HNRNPL: variants seen among roughly 807,000 people sequenced by gnomAD.
HNRNPL encodes heterogeneous nuclear ribonucleoprotein L.
HNRNPL carries 12 observed loss-of-function variants against 64.0 expected under a neutral mutation model. That is an observed-to-expected ratio of 0.19 (90% CI 0.12 to 0.30). The LOEUF is 0.30. Ranked by LOEUF, HNRNPL falls within the 10% of genes least tolerant of loss-of-function variation. The pLI is 1.00. For synonymous variants in HNRNPL, 385 were observed against 313.0 expected (o/e 1.23, Z -2.43); for missense variants, 484 against 797.4 (o/e 0.61, Z 4.73).
rs1972275709 is a variant in HNRNPL at position 38,845,842 on chromosome 19, C to A, written c.624+11G>T. ...AGGGAGACCTCACAAGAAATGCCTG[C>A]TGGCACGTACCGTGGTGATCGAATA... On this transcript the variant is annotated intron_variant, in intron 3 of 12. Coordinates refer to ENST00000221419, the MANE Select transcript of HNRNPL (RefSeq NM_001533.3). 6.2e-7 allele frequency: 1 copy of A among 1,609,822 alleles called. No homozygotes were observed. Among genetic ancestry groups the A allele is most frequent in the Non-Finnish European group, 8.5e-7 (1 of 1,176,188 alleles).
At chr19:38,843,702 C>T (rs2145423418) in intron 6 of HNRNPL, 140 bp downstream of exon 6, 1 of 683,142 alleles carries the variant, frequency 1.5e-6, no homozygotes, top group East Asian at 2.6e-5. Context: ...ACTAGGGTGT[C>T]CAAGTGCTGA....
chr19:38,844,222 G>A (rs564952220), intron 4 of HNRNPL, 118 bp from the exon 5 acceptor site: 2 of 686,510 alleles, frequency 2.9e-6, no homozygotes, highest in African/African-American at 3.6e-5. Context: ...CGGAAGCTTT[G>A]GGATTAGCTC....
Position 38,838,438 on chromosome 19 carries a change from A to G in HNRNPL, c.1516T>C (p.Phe506Leu). Residue 506 changes from phenylalanine to leucine, a missense_variant, in exon 10 of 13, where the codon TTC (phenylalanine) becomes CTC (leucine). Around this residue, in one of 9 missense-constraint regions of HNRNPL, gnomAD observed 53 missense variants for 131.3 expected, o/e 0.40. Coordinates refer to ENST00000221419, the MANE Select transcript of HNRNPL (RefSeq NM_001533.3). ...IQHPSNVLHFFNAPLEVTEEN... is the reference protein window; with the variant it reads ...IQHPSNVLHFLNAPLEVTEEN... ...TCGGTCACCTCCAGCGGGGCGTTGA[A>G]GAAGTGCAGCACGTTGCTGGGGTGC... 1 of 1,613,422 alleles carries G rather than the reference A, an allele frequency of 6.2e-7. No individual in the cohort carries two copies. Among genetic ancestry groups the G allele is most frequent in the Non-Finnish European group, 8.5e-7 (1 of 1,179,358 alleles).
At chr19:38,839,139 C>T in intron 8 of HNRNPL, 124 bp from the exon 9 acceptor site, 1 of 1,259,166 alleles carries the variant, frequency 7.9e-7, no homozygotes, top group Non-Finnish European at 1.1e-6. Context: ...TAATCGGGAC[C>T]ACTAGAAAAA....
intron 10 of HNRNPL, 98 bp downstream of exon 10, chr19:38,838,299 G>C (rs2145407580): frequency 2.1e-6 from 2 of 968,682 alleles, no homozygotes; most frequent in African/African-American, 1.6e-5. Context: ...AGGCAGGACA[G>C]GAGTTCAACA....
intron 6 of HNRNPL, 192 bp from the exon 7 acceptor site, chr19:38,840,751 A>T (rs1600054362): frequency 3.3e-6 from 2 of 601,410 alleles, no homozygotes; most frequent in South Asian, 2.1e-5. Flanking sequence ...GCTGGTGCCC[A>T]CTCTCCTTCC....
At chr19:38,850,190 T>A, upstream of HNRNPL, 1 of 404,618 alleles carries the variant, frequency 2.5e-6, no homozygotes. Flanking sequence ...TGCCAGTCTT[T>A]CCGTCGACCC....
chr19:38,843,760 C>A, intron 6 of HNRNPL, 82 bp downstream of exon 6: 1 of 1,192,998 alleles, frequency 8.4e-7, no homozygotes, highest in Non-Finnish European at 1.2e-6. Flanking sequence ...CATTACATAA[C>A]CCTGAGCCCA....
intron 4 of HNRNPL, chr19:38,845,427 G>T: frequency 1.9e-6 from 1 of 539,928 alleles, no homozygotes; most frequent in Non-Finnish European, 3.3e-6. Flanking sequence ...AAATTCCTTT[G>T]TATCTCCCAA....
chr19:38,849,614 G>GC (rs1023861149), intron 1 of HNRNPL, 86 bp downstream of exon 1: 27 of 1,287,756 alleles, frequency 2.1e-5, no homozygotes, highest in South Asian at 1.9e-4. Context: ...GTGCGCAGAG[G>GC]CCCCCCTCAA....
intron 1 of HNRNPL, among the ~76,000 whole-genome samples, chr19:38,847,820 A>C (rs1049914919): frequency 6.6e-6 from 1 of 152,232 alleles, no homozygotes; most frequent in African/African-American, 2.4e-5. Context: ...GGGCTCTAAC[A>C]GCTATCTGCT....
intron 6 of HNRNPL, chr19:38,843,541 G>A: frequency 2.4e-6 from 1 of 410,030 alleles, no homozygotes; most frequent in Non-Finnish European, 4.4e-6. Flanking sequence ...AGGAGCCACT[G>A]CTGGTTTCTA....
At chr19:38,850,005 G>A (rs1568377118), upstream of HNRNPL, 4 of 1,310,252 alleles carry the variant, frequency 3.1e-6, no homozygotes, top group Admixed American at 4.0e-5. Flanking sequence ...TCTCATTGGG[G>A]GAGGGACACG....
intron 6 of HNRNPL, among the ~76,000 whole-genome samples, chr19:38,843,144 G>A (rs985732089): frequency 3.9e-5 from 6 of 152,092 alleles, no homozygotes; most frequent in Admixed American, 2.0e-4. Flanking sequence ...GGCCTGGTCC[G>A]ACGTATCAGA....
chr19:38,838,665 C>T (rs1318350098), intron 9 of HNRNPL, 67 bp from the exon 10 acceptor site: 13 of 1,494,798 alleles, frequency 8.7e-6, no homozygotes, highest in South Asian at 1.1e-5. Flanking sequence ...TCCCCTGTGG[C>T]CTCCAGAGGC....
Position 38,839,063 on chromosome 19 carries a change from C to T in HNRNPL, c.1234-48G>A, listed in dbSNP as rs748179974. ...AGCACCTCTGTCCAGCTGCCAGGGT[C>T]CCCTCTCCTGCCCCTCCCAAGTTAG... On this transcript the variant is annotated intron_variant, in intron 8 of 12. Coordinates refer to ENST00000221419, the MANE Select transcript of HNRNPL (RefSeq NM_001533.3). 5 of 1,607,082 alleles carry T rather than the reference C, an allele frequency of 3.1e-6. No individual in the cohort carries two copies. In the South Asian group the frequency reaches 3.3e-5, roughly 11 times the overall value.
At chr19:38,840,721 C>T (rs1600054286) in intron 6 of HNRNPL, 162 bp from the exon 7 acceptor site, 2 of 645,042 alleles carry the variant, frequency 3.1e-6, no homozygotes, top group Non-Finnish European at 5.4e-6. Flanking sequence ...CTACGGCGGG[C>T]ATGAAGCCCG....
chr19:38,841,286 G>A, intron 6 of HNRNPL: 1 of 329,432 alleles, frequency 3.0e-6, no homozygotes, highest in South Asian at 2.4e-5. Context: ...AGACATCACA[G>A]CTTCTGAAAT....
rs756117683 is a variant in HNRNPL, at chr19:38,837,609, C to T, written c.1600G>A (p.Val534Ile). 4 of 1,614,124 alleles carry T rather than the reference C, an allele frequency of 2.5e-6. No individual in the cohort carries two copies. The highest frequency in any genetic ancestry group is 3.3e-5 in the Admixed American group (2 of 60,010). ...LGVKRPSSVK[V>I]FSGKSERSSS... ...CTCGACTCACTTTTGCCTGAGAATACTTTCACAGAAGATGGCCGCTTCACT... is the reference window on the plus strand; with the variant it reads ...CTCGACTCACTTTTGCCTGAGAATATTTTCACAGAAGATGGCCGCTTCACT... The change falls in exon 11 of 13, where the codon GTA becomes ATA. Residue 534 changes from valine (V) to isoleucine (I), a missense_variant. Transcript: ENST00000221419.
Sources: gnomAD v4.1 joint callset for allele counts (sites outside exome capture counted in the v4.1 genomes callset) on GRCh38, gnomAD v4.1.1 for gene constraint, gnomAD v4.1.1 regional missense constraint, MANE v1.5 for transcripts, NCBI Gene and HGNC (gene_info 2026-07-23, HGNC 2026-07-21) for gene names.